Variants in CLUAP1 observed in about 807,000 individuals in gnomAD.
CLUAP1 encodes clusterin-associated protein 1.
CLUAP1 carries 50 observed loss-of-function variants against 55.0 expected under a neutral mutation model. The ratio of observed to expected loss-of-function variants is 0.91; its 90% confidence interval spans 0.72 to 1.15. The LOEUF is 1.15. Ranked by LOEUF, CLUAP1 falls within the 50% of genes most tolerant of loss-of-function variation. The pLI is 0.00. For synonymous variants in CLUAP1, 195 were observed against 175.4 expected (o/e 1.11, Z -0.88); for missense variants, 530 against 507.6 (o/e 1.04, Z -0.42).
upstream of CLUAP1, among the ~76,000 whole-genome samples, chr16:3,499,567 T>C (rs561671422): frequency 2.0e-5 from 3 of 152,382 alleles, no homozygotes; most frequent in South Asian, 6.2e-4. Flanking sequence ...ATATTAGCCA[T>C]CCATATATCT....
intron 11 of CLUAP1, chr16:3,535,578 T>A (rs1167306229): frequency 6.6e-6 from 1 of 152,514 alleles, no homozygotes; most frequent in African/African-American, 2.4e-5. Flanking sequence ...TTCTTTTTTT[T>A]CTTTTTTTTT....
chr16:3,496,442 G>C, upstream of CLUAP1: 1 of 1,005,642 alleles, frequency 9.9e-7, no homozygotes, highest in South Asian at 1.2e-5. Context: ...AAACAAAACG[G>C]CCGTGGTTGT....
intron 3 of CLUAP1, 102 bp from the exon 4 acceptor site, chr16:3,508,187 C>G (rs2037545873): frequency 2.1e-6 from 2 of 964,932 alleles, no homozygotes; most frequent in East Asian, 5.3e-5. Flanking sequence ...AGGTTATATC[C>G]CAGTTGTCAG....
intron 5 of CLUAP1, 111 bp from the exon 6 acceptor site, chr16:3,515,397 A>G: frequency 2.8e-6 from 2 of 706,858 alleles, no homozygotes; most frequent in South Asian, 1.8e-5. Context: ...AGAGATCCAC[A>G]TGGCAATAAA....
chr16:3,506,722 C>G (rs1050826104), intron 3 of CLUAP1, among the ~76,000 whole-genome samples: 12 of 151,970 alleles, frequency 7.9e-5, no homozygotes, highest in African/African-American at 2.9e-4. Context: ...AGGCTGGTCT[C>G]AAACTCCCGA....
chr16:3,502,226 T>TA (rs1183623469), intron 1 of CLUAP1: 2 of 152,078 alleles, frequency 1.3e-5, no homozygotes, highest in Non-Finnish European at 2.9e-5. Flanking sequence ...GCGGATCACT[T>TA]AATTTCAGGA....
intron 9 of CLUAP1, among the ~76,000 whole-genome samples, chr16:3,528,075 G>A (rs2037982316): frequency 6.6e-6 from 1 of 152,112 alleles, no homozygotes; most frequent in South Asian, 2.1e-4. Flanking sequence ...TGCACATGGG[G>A]AGAAAACCCA....
intron 9 of CLUAP1, among the ~76,000 whole-genome samples, chr16:3,529,652 AT>A (rs1567439906): frequency 0.012 from 254 of 20,990 alleles, 15 homozygotes; most frequent in African/African-American, 0.059. Flanking sequence ...ATTATATATT[AT>A]TATATATTAT....
intron 9 of CLUAP1, among the ~76,000 whole-genome samples, chr16:3,528,706 G>A (rs2037996244): frequency 6.6e-6 from 1 of 152,110 alleles, no homozygotes; most frequent in Non-Finnish European, 1.5e-5. Context: ...TCTTCTAGGA[G>A]TTCTATAGTT....
rs2037387629 is a variant in CLUAP1, at chr16:3,501,094, G to A, written c.22+5G>A. 7.5e-6 allele frequency: 12 copies of A among 1,592,922 alleles called. No individual in the cohort carries two copies. Among genetic ancestry groups the A allele is most frequent in the Non-Finnish European group, 1.0e-5 (12 of 1,174,766 alleles). On this transcript the variant is annotated splice_donor_5th_base_variant and intron_variant, in intron 1 of 11. Coordinates refer to ENST00000576634, the MANE Select transcript of CLUAP1 (RefSeq NM_015041.3). ...TGTCTTTCCGCGACCTCCGCAGTAA[G>A]GCAGCCCCGCGCCCCTGTGACCTGC...
the CLUAP1 span, chr16:3,495,440 G>A: frequency 1.2e-6 from 2 of 1,608,150 alleles, no homozygotes; most frequent in Non-Finnish European, 1.7e-6. Context: ...AGTGTGGTGG[G>A]GAGGAGCAAC....
chr16:3,535,183 A>G (rs940995926), intron 11 of CLUAP1: 2 of 152,566 alleles, frequency 1.3e-5, no homozygotes, highest in African/African-American at 2.4e-5. Context: ...AGGCCTGAGA[A>G]TCGATCCCAG....
Sources: allele counts gnomAD v4.1 joint callset (sites outside exome capture counted in the v4.1 genomes callset), GRCh38; gene constraint gnomAD v4.1.1; transcripts MANE v1.5; gene names NCBI Gene and HGNC (gene_info 2026-07-23, HGNC 2026-07-21).